NFIB: variants seen among roughly 807,000 people sequenced by gnomAD.
NFIB encodes the protein nuclear factor I B.
A neutral mutation model predicts 61.5 loss-of-function variants in NFIB; 11 were observed. The observed-to-expected ratio is 0.18, with a 90% confidence interval of 0.11 to 0.30. The LOEUF is 0.30. NFIB is among the 10% of genes least tolerant of loss of function. The probability of loss-of-function intolerance (pLI) is 1.00; values close to 1 mark genes in which losing one functional copy is unlikely to be tolerated. For synonymous variants in NFIB, 260 were observed against 216.5 expected (o/e 1.20, Z -1.76); for missense variants, 471 against 608.9 (o/e 0.77, Z 2.38).
chr9:14,484,424 A>G, the NFIB span, among the ~76,000 whole-genome samples: 1 of 152,156 alleles, frequency 6.6e-6, no homozygotes, highest in Non-Finnish European at 1.5e-5. Context: ...TCACTTGTGG[A>G]TTTATCTTGC....
At chr9:14,367,629 C>T (rs1564034288) in intron 1 of NFIB, among the ~76,000 whole-genome samples, 2 of 152,056 alleles carry the variant, frequency 1.3e-5, no homozygotes, top group Non-Finnish European at 2.9e-5. Flanking sequence ...GGAAGCAACC[C>T]AAATGCCCAT....
chr9:14,463,853 G>A, the NFIB span, among the ~76,000 whole-genome samples: 2 of 151,754 alleles, frequency 1.3e-5, no homozygotes, highest in African/African-American at 4.8e-5. Context: ...GTAGAGACAG[G>A]GTTTCACCGT....
chr9:14,185,099 C>G (rs973363159), intron 2 of NFIB, among the ~76,000 whole-genome samples: 3 of 139,866 alleles, frequency 2.1e-5, no homozygotes, highest in African/African-American at 7.8e-5. Context: ...AAAGTATACT[C>G]TATGCCATGT....
At chr9:14,491,898 G>T in the NFIB span, among the ~76,000 whole-genome samples, 20 of 152,190 alleles carry the variant, frequency 1.3e-4, no homozygotes, top group South Asian at 2.1e-4. Context: ...TCTATGAATT[G>T]CTCATTCATT....
intron 3 of NFIB, among the ~76,000 whole-genome samples, chr9:14,176,113 G>C (rs892792631): frequency 2.6e-5 from 4 of 152,080 alleles, no homozygotes; most frequent in Non-Finnish European, 5.9e-5. Context: ...AGTAGCAGTG[G>C]AGTTTTTAAT....
intron 2 of NFIB, chr9:14,300,274 A>T: frequency 2.5e-6 from 1 of 398,424 alleles, no homozygotes; most frequent in East Asian, 3.6e-5. Flanking sequence ...TAATAACTCA[A>T]GTTTCCGATC....
chr9:14,139,057 C>A (rs990592796), intron 6 of NFIB, among the ~76,000 whole-genome samples: 4 of 152,004 alleles, frequency 2.6e-5, no homozygotes, highest in Non-Finnish European at 5.9e-5. Flanking sequence ...GAAAAGTGTC[C>A]CTCTGGGAAG....
chr9:14,446,384 C>T, the NFIB span, among the ~76,000 whole-genome samples: 3 of 152,168 alleles, frequency 2.0e-5, no homozygotes, highest in Admixed American at 6.5e-5. Context: ...ACCTACATTA[C>T]GTGTTCTCAT....
chr9:14,375,601 T>C (rs972980142), intron 1 of NFIB, among the ~76,000 whole-genome samples: 2 of 151,702 alleles, frequency 1.3e-5, no homozygotes, highest in Non-Finnish European at 2.9e-5. Flanking sequence ...GAGGTTGCAG[T>C]GAGCTGAGAT....
chr9:14,468,411 C>G, the NFIB span, among the ~76,000 whole-genome samples: 1 of 152,100 alleles, frequency 6.6e-6, no homozygotes, highest in East Asian at 1.9e-4. Flanking sequence ...CAACATTTAG[C>G]GTAACATAAA....
At chr9:14,298,842 T>C (rs1381361851) in intron 2 of NFIB, among the ~76,000 whole-genome samples, 1 of 152,180 alleles carries the variant, frequency 6.6e-6, no homozygotes, top group Non-Finnish European at 1.5e-5. Context: ...ACAGCGCAAA[T>C]GAATTGTTTT....
At chr9:14,275,180 C>T (rs1456889225) in intron 2 of NFIB, among the ~76,000 whole-genome samples, 1 of 152,150 alleles carries the variant, frequency 6.6e-6, no homozygotes, top group East Asian at 1.9e-4. Context: ...AGTTGTTTTA[C>T]GTGGACAAGG....
Position 14,288,353 on chromosome 9 carries a change from G to C in NFIB, c.562+18636C>G, listed in dbSNP as rs564025499. Among the ~76,000 whole-genome samples, 135 of 135,860 alleles carry C rather than the reference G, an allele frequency of 9.9e-4. 1 individual carries two copies. In the East Asian group the frequency reaches 0.028, roughly 28 times the overall value. The allele number at this position is 135,860 out of a possible 152,430, so 89.1% of individuals were successfully genotyped here. On this transcript the variant is annotated intron_variant, in intron 2 of 10. Coordinates refer to ENST00000380953, the MANE Select transcript of NFIB (RefSeq NM_001190737.2). ...TGTTACGATTCAATAATAAAAAAGAGATTAATCAATCAAAGCCATTTAGTA... is the reference window on the plus strand; with the variant it reads ...TGTTACGATTCAATAATAAAAAAGACATTAATCAATCAAAGCCATTTAGTA...
At chr9:14,265,837 A>G (rs2057155461) in intron 2 of NFIB, among the ~76,000 whole-genome samples, 1 of 152,210 alleles carries the variant, frequency 6.6e-6, no homozygotes, top group Non-Finnish European at 1.5e-5. Context: ...GCAATAAGCA[A>G]TTCTAGCATT....
chr9:14,343,588 C>T (rs971118628), intron 1 of NFIB, among the ~76,000 whole-genome samples: 1 of 152,160 alleles, frequency 6.6e-6, no homozygotes, highest in African/African-American at 2.4e-5. Context: ...GCCTTTCCTC[C>T]CTTCCCACTT....
chr9:14,414,617 C>T, the NFIB span, among the ~76,000 whole-genome samples: 16 of 149,612 alleles, frequency 1.1e-4, no homozygotes, highest in South Asian at 3.0e-3. Context: ...CATAATAGTG[C>T]CTACCTACAT....
At chr9:14,414,431 C>CA in the NFIB span, among the ~76,000 whole-genome samples, 1,239 of 55,512 alleles carry the variant, frequency 0.022, 20 homozygotes, top group African/African-American at 0.042. Context: ...GAGACTGTCT[C>CA]AAAAAAAAAA....
intron 2 of NFIB, among the ~76,000 whole-genome samples, chr9:14,287,738 CT>C (rs35307520): frequency 6.6e-6 from 1 of 151,914 alleles, no homozygotes; most frequent in Non-Finnish European, 1.5e-5. Flanking sequence ...TCATTTTACA[CT>C]TTTTTCTGCA....
intron 2 of NFIB, among the ~76,000 whole-genome samples, chr9:14,223,679 T>C (rs1206821934): frequency 6.6e-6 from 1 of 152,204 alleles, no homozygotes; most frequent in Admixed American, 6.5e-5. Flanking sequence ...GAGGGGAAGA[T>C]GTGTTACATG....
Sources: gnomAD v4.1 joint callset for allele counts (sites outside exome capture counted in the v4.1 genomes callset) on GRCh38, gnomAD v4.1.1 for gene constraint, MANE v1.5 for transcripts, NCBI Gene and HGNC (gene_info 2026-07-23, HGNC 2026-07-21) for gene names.